The following PCDHA2 variants were observed in gnomAD, a reference collection of about 807,000 sequenced individuals.
PCDHA2 encodes protocadherin alpha-2.
In PCDHA2, 58 loss-of-function variants were observed where a neutral mutation model predicts 66.0. The observed-to-expected ratio is 0.88, with a 90% CI of 0.71 to 1.09. The LOEUF is 1.09. Ranked by LOEUF, PCDHA2 falls within the 50% of genes least tolerant of loss-of-function variation. The probability of loss-of-function intolerance (pLI) is 0.00; values close to 1 mark genes in which losing one functional copy is unlikely to be tolerated. For missense variants in PCDHA2, 1,267 were observed against 1,242.3 expected (o/e 1.02, Z -0.30); for synonymous variants, 634 against 554.0 (o/e 1.14, Z -2.03).
In PCDHA2 at chr5:140,982,557, A is replaced by G. The variant is rs199851685; in HGVS notation, c.2530A>G (p.Thr844Ala). 6.2e-7 allele frequency: 1 copy of G among 1,614,138 alleles called. No homozygotes were observed. The highest frequency in any genetic ancestry group is 1.7e-5 in the Admixed American group (1 of 60,030). The change falls in exon 3 of 4, where the codon ACA becomes GCA. Residue 844 changes from threonine (T) to alanine (A), a missense_variant. Physicochemically the swap from Thr to Ala is moderately conservative, Grantham distance 58. Transcript: ENST00000526136. ...GCAGTGGCCAACAGTATCCAGTGCAACACCAGGTAAAGAGCTGGGGTCTCT... is the reference window on the plus strand; with the variant it reads ...GCAGTGGCCAACAGTATCCAGTGCAGCACCAGGTAAAGAGCTGGGGTCTCT... Reference protein sequence around the residue: ...DQQWPTVSSATPEPEAGEVSP... With the variant: ...DQQWPTVSSAAPEPEAGEVSP...
chr5:140,830,399 A>T (rs2150186054), intron 1 of PCDHA2: 1 of 1,593,324 alleles, frequency 6.3e-7, no homozygotes, highest in Non-Finnish European at 8.6e-7. Flanking sequence ...GATGGATCTC[A>T]TGGCCTTTAG....
At chr5:140,837,457 C>T (rs1554136474) in intron 1 of PCDHA2, among the ~76,000 whole-genome samples, 2 of 151,816 alleles carry the variant, frequency 1.3e-5, no homozygotes, top group Non-Finnish European at 2.9e-5. Context: ...AAAAAATCTC[C>T]TTGCCTCCTC....
At chr5:140,819,426 A>G (rs1766555129) in intron 1 of PCDHA2, among the ~76,000 whole-genome samples, 1 of 152,182 alleles carries the variant, frequency 6.6e-6, no homozygotes, top group Non-Finnish European at 1.5e-5. Context: ...TATACTACAC[A>G]GTTTTAAATC....
chr5:141,000,421 ATTTTT>A (rs34755515), intron 3 of PCDHA2, among the ~76,000 whole-genome samples: 89 of 27,938 alleles, frequency 3.2e-3, no homozygotes, highest in East Asian at 4.2e-3. Flanking sequence ...ATATATATAT[ATTTTT>A]TTTTTTTTTT....
intron 1 of PCDHA2, chr5:140,801,161 A>G: frequency 6.5e-7 from 1 of 1,537,562 alleles, no homozygotes; most frequent in Non-Finnish European, 8.7e-7. Context: ...ACTTTGGATC[A>G]ATGTAAAGGC....
intron 1 of PCDHA2, among the ~76,000 whole-genome samples, chr5:140,923,958 T>C (rs1447655640): frequency 1.3e-5 from 2 of 152,216 alleles, no homozygotes; most frequent in Admixed American, 6.5e-5. Context: ...CACGCCCTAA[T>C]CTATACCCAC....
chr5:140,960,788 G>A (rs1268913888), intron 1 of PCDHA2, among the ~76,000 whole-genome samples: 1 of 152,086 alleles, frequency 6.6e-6, no homozygotes, highest in Non-Finnish European at 1.5e-5. Context: ...GCCAAACAAG[G>A]TTTCTATTAA....
At chr5:140,986,437 G>A (rs1554248053) in intron 3 of PCDHA2, among the ~76,000 whole-genome samples, 2 of 152,182 alleles carry the variant, frequency 1.3e-5, no homozygotes, top group Admixed American at 6.5e-5. Flanking sequence ...GAGTACTAAT[G>A]CCCTGAAGAG....
rs781995177 is a variant in PCDHA2 at position 140,857,719 on chromosome 5, G to T, written c.2388+60367G>T. 3.8e-6 allele frequency: 6 copies of T among 1,597,526 alleles called. No homozygotes were observed. The South Asian group carries it at 5.5e-5, about 15-fold the overall frequency. The stretch of plus-strand genomic sequence containing the variant: ...CGCTGCAGGTGTTCGTGCTGGACGA[G>T]AACGACAACGCTCCCGCGCTGCTGG... On this transcript the variant is annotated intron_variant, in intron 1 of 3. Transcript: ENST00000526136.
chr5:140,906,545 T>C (rs1477554651), intron 1 of PCDHA2, among the ~76,000 whole-genome samples: 2 of 152,256 alleles, frequency 1.3e-5, no homozygotes, highest in Admixed American at 6.5e-5. Context: ...TCCTCATTTC[T>C]GCAACTGGTT....
At chr5:140,852,799 C>A in intron 1 of PCDHA2, 3 of 976,698 alleles carry the variant, frequency 3.1e-6, no homozygotes, top group Non-Finnish European at 3.7e-6. Context: ...CTACAGATGT[C>A]ATTTGTCTCC....
chr5:140,822,473 A>T (rs2150116639), intron 1 of PCDHA2: 6 of 1,613,830 alleles, frequency 3.7e-6, no homozygotes, highest in Middle Eastern at 3.3e-4. Flanking sequence ...AATGTATTGG[A>T]TGCTAATGAT....
At chr5:140,876,337 G>T (rs1554168488) in intron 1 of PCDHA2, 1 of 1,614,016 alleles carries the variant, frequency 6.2e-7, no homozygotes, top group Admixed American at 1.7e-5. Flanking sequence ...GCCAGTGAGT[G>T]AGAAATGTAT....
At chr5:140,882,993 T>G (rs1554176415) in intron 1 of PCDHA2, 2 of 1,614,080 alleles carry the variant, frequency 1.2e-6, no homozygotes, top group Non-Finnish European at 1.7e-6. Flanking sequence ...GCCCCGGAAT[T>G]TTACCAATCC....
intron 1 of PCDHA2, chr5:140,834,901 G>T: frequency 6.2e-7 from 1 of 1,600,398 alleles, no homozygotes; most frequent in Non-Finnish European, 8.5e-7. Context: ...TACAGACTGA[G>T]CCCCAATGAG....
At chr5:140,967,944 A>G (rs782135204) in intron 1 of PCDHA2, 4 of 1,613,970 alleles carry the variant, frequency 2.5e-6, no homozygotes. Flanking sequence ...AATGACCAAG[A>G]CTCAGGCCCC....
At chr5:140,833,777 A>C (rs2150211299) in intron 1 of PCDHA2, among the ~76,000 whole-genome samples, 1 of 152,046 alleles carries the variant, frequency 6.6e-6, no homozygotes, top group South Asian at 2.1e-4. Flanking sequence ...CCGCTTTCTA[A>C]GTTTCTCTTT....
In PCDHA2 at chr5:140,828,269, G is replaced by A. The variant is rs201116419; in HGVS notation, c.2388+30917G>A. The A allele has an allele frequency of 1.1e-4, 175 of 1,613,940 alleles. No individual in the cohort carries two copies. The highest frequency in any genetic ancestry group is 8.3e-5 in the Admixed American group (5 of 60,012). On this transcript the variant is annotated intron_variant, in intron 1 of 3. Transcript: ENST00000526136. ...CCTGGGGCTGGAGCTGGCGGAGCTG[G>A]TGCCGCGCCTGTTCAGGATGGCCTC...
chr5:140,855,021 T>C (rs910000039), intron 1 of PCDHA2, among the ~76,000 whole-genome samples: 2 of 149,920 alleles, frequency 1.3e-5, no homozygotes, highest in African/African-American at 4.9e-5. Context: ...ATGAAACTTC[T>C]TGTATAAAGG....
Sources: allele counts gnomAD v4.1 joint callset (sites outside exome capture counted in the v4.1 genomes callset), GRCh38; gene constraint gnomAD v4.1.1; transcripts MANE v1.5; gene names NCBI Gene and HGNC (gene_info 2026-07-23, HGNC 2026-07-21).